ERCC6: variants seen among roughly 807,000 people sequenced by gnomAD.
ERCC6 encodes ERCC excision repair 6, chromatin remodeling factor, also known as DNA excision repair protein ERCC-6.
Under a neutral mutation model 158.7 loss-of-function variants are expected in ERCC6, and 116 were observed. The observed-to-expected ratio is 0.73, with a 90% confidence interval of 0.63 to 0.85. ERCC6 has a LOEUF of 0.85. Ranked by LOEUF, ERCC6 falls within the 40% of genes least tolerant of loss-of-function variation. ERCC6 has a pLI of 0.00. For synonymous variants in ERCC6, 678 were observed against 659.3 expected (o/e 1.03, Z -0.43); for missense variants, 1,698 against 1,799.4 (o/e 0.94, Z 1.02).
At chr10:49,478,125 G>C (rs944190671) in intron 11 of ERCC6, among the ~76,000 whole-genome samples, 15 of 152,226 alleles carry the variant, frequency 9.9e-5, no homozygotes, top group African/African-American at 3.6e-4. Context: ...AAGGAGAATG[G>C]AGATGTTTAA....
chr10:49,443,381 A>G, the ERCC6 span, among the ~76,000 whole-genome samples: 306 of 152,346 alleles, frequency 2.0e-3, no homozygotes, highest in South Asian at 6.6e-3. Flanking sequence ...ACACCACATA[A>G]TGATGTTTCA....
At chr10:49,442,722 G>A in the ERCC6 span, among the ~76,000 whole-genome samples, 2 of 152,196 alleles carry the variant, frequency 1.3e-5, no homozygotes, top group African/African-American at 2.4e-5. Context: ...GAAGGCCATA[G>A]GACTACAAGA....
intron 8 of ERCC6, among the ~76,000 whole-genome samples, chr10:49,491,562 G>A (rs1268477360): frequency 1.3e-5 from 2 of 152,178 alleles, no homozygotes; most frequent in Admixed American, 6.5e-5. Flanking sequence ...TCTCTTCTTA[G>A]AAGTTTGCCC....
chr10:49,530,028 G>C (rs1219451066), intron 3 of ERCC6, among the ~76,000 whole-genome samples: 1 of 152,100 alleles, frequency 6.6e-6, no homozygotes, highest in African/African-American at 2.4e-5. Flanking sequence ...TCTCGCAACT[G>C]TCAGCAAAGG....
intron 3 of ERCC6, among the ~76,000 whole-genome samples, chr10:49,529,171 T>G (rs907857216): frequency 1.4e-4 from 22 of 152,240 alleles, no homozygotes; most frequent in Non-Finnish European, 3.1e-4. Context: ...CCCAATGAAC[T>G]GGGCTTGTGG....
At chr10:49,444,594 C>T in the ERCC6 span, among the ~76,000 whole-genome samples, 1,895 of 152,230 alleles carry the variant, frequency 0.012, 43 homozygotes, top group African/African-American at 0.044. Context: ...AGAAAAACAT[C>T]GGGGCATGGG....
At chr10:49,494,753 CTT>C (rs929380693) in intron 7 of ERCC6, among the ~76,000 whole-genome samples, 2 of 152,188 alleles carry the variant, frequency 1.3e-5, no homozygotes, top group African/African-American at 4.8e-5. Context: ...TTGGGAGAGA[CTT>C]TTCTCTCCTG....
chr10:49,530,982 T>C, intron 2 of ERCC6, 142 bp from the exon 3 acceptor site: 2 of 1,191,108 alleles, frequency 1.7e-6, no homozygotes, highest in South Asian at 1.5e-5. Flanking sequence ...TACATACCCT[T>C]ATTGGCCACA....
At chr10:49,439,536 A>G in the ERCC6 span, among the ~76,000 whole-genome samples, 2 of 152,086 alleles carry the variant, frequency 1.3e-5, no homozygotes, top group African/African-American at 4.8e-5. Flanking sequence ...TGCTGTGAAG[A>G]CCTCTGACAT....
At chr10:49,436,981 A>T in the ERCC6 span, among the ~76,000 whole-genome samples, 1 of 152,226 alleles carries the variant, frequency 6.6e-6, no homozygotes, top group Non-Finnish European at 1.5e-5. Context: ...ACCAAATTTC[A>T]TCTTGAATTG....
intron 5 of ERCC6, among the ~76,000 whole-genome samples, chr10:49,523,261 C>T (rs761011283): frequency 9.9e-5 from 15 of 152,166 alleles, no homozygotes; most frequent in Admixed American, 2.0e-4. Context: ...GGCAGTAGCA[C>T]AGTGTTCAGT....
At chr10:49,476,155 T>C (rs1850872995) in intron 12 of ERCC6, 60 bp downstream of exon 12, 1 of 1,205,874 alleles carries the variant, frequency 8.3e-7, no homozygotes, top group Non-Finnish European at 1.2e-6. Flanking sequence ...CTAGTTTCTT[T>C]TCCTCCCTCA....
At chr10:49,498,751 T>C (rs1356040650) in intron 7 of ERCC6, among the ~76,000 whole-genome samples, 2 of 152,212 alleles carry the variant, frequency 1.3e-5, no homozygotes, top group African/African-American at 2.4e-5. Context: ...AGAGAGCATG[T>C]TTTAATTTTT....
the ERCC6 span, among the ~76,000 whole-genome samples, chr10:49,440,230 C>T: frequency 6.6e-6 from 1 of 152,220 alleles, no homozygotes; most frequent in Non-Finnish European, 1.5e-5. Context: ...TACAGTTCCA[C>T]ATGGCTGGGC....
intron 10 of ERCC6, among the ~76,000 whole-genome samples, chr10:49,479,027 A>C (rs1282592779): frequency 6.6e-6 from 1 of 152,152 alleles, no homozygotes; most frequent in Middle Eastern, 3.2e-3. Context: ...TGATCCCAGA[A>C]ACGAAAGGTC....
At chr10:49,484,322 A>C (rs914680779) in intron 8 of ERCC6, among the ~76,000 whole-genome samples, 1 of 152,038 alleles carries the variant, frequency 6.6e-6, no homozygotes. Flanking sequence ...GTTAGAAAAC[A>C]ATCACCATAA....
intron 5 of ERCC6, among the ~76,000 whole-genome samples, chr10:49,519,153 G>C (rs1165665618): frequency 6.6e-6 from 1 of 152,142 alleles, no homozygotes; most frequent in African/African-American, 2.4e-5. Context: ...AATGGAGGTG[G>C]GGGCAGCTAT....
intron 18 of ERCC6, among the ~76,000 whole-genome samples, chr10:49,466,258 TA>T (rs1389435022): frequency 6.6e-6 from 1 of 152,168 alleles, no homozygotes; most frequent in East Asian, 1.9e-4. Context: ...TTAGTATAAA[TA>T]AAAACAAATA....
rs773544808 is a variant in ERCC6 at position 49,476,218 on chromosome 10, C to T, written c.2379G>A (p.Met793Ile). The change falls in exon 12 of 21, where the codon ATG (methionine) becomes ATA (isoleucine). Residue 793 changes from methionine to isoleucine, a missense_variant. By Grantham distance (10) the Met-to-Ile change is conservative. Coordinates refer to ENST00000355832, the MANE Select transcript of ERCC6 (RefSeq NM_000124.4). Reference protein sequence around the residue: ...KEVYRILNGEMQIFSGLIALR... With the variant: ...KEVYRILNGEIQIFSGLIALR... ...CAGCTTCTATTTTTTAGCTGACCTGCATCTCTCCATTGAGAATCCTGTAAA... is the reference window on the plus strand; with the variant it reads ...CAGCTTCTATTTTTTAGCTGACCTGTATCTCTCCATTGAGAATCCTGTAAA... 1.2e-5 allele frequency: 20 copies of T among 1,607,650 alleles called. No individual in the cohort carries two copies. Among genetic ancestry groups the T allele is most frequent in the East Asian group, 4.5e-5 (2 of 44,830 alleles).
Sources: gnomAD v4.1 joint callset for allele counts (sites outside exome capture counted in the v4.1 genomes callset) on GRCh38, gnomAD v4.1.1 for gene constraint, MANE v1.5 for transcripts, NCBI Gene and HGNC (gene_info 2026-07-23, HGNC 2026-07-21) for gene names.